Variants in ERGIC2 observed in about 807,000 individuals in gnomAD.
ERGIC2 encodes ERGIC and golgi 2.
In ERGIC2, 31 loss-of-function variants were observed where a neutral mutation model predicts 52.5. That is an observed-to-expected ratio of 0.59 (90% CI 0.44 to 0.80). The LOEUF (loss-of-function observed/expected upper bound fraction) is 0.80. Among genes scored for constraint, ERGIC2 ranks in the 30% least tolerant of loss-of-function variants. The pLI is 0.00. For synonymous variants in ERGIC2, 129 were observed against 140.6 expected, an observed-to-expected ratio of 0.92 and a Z score of 0.58; for missense variants, 395 against 455.2, an observed-to-expected ratio of 0.87 and a Z score of 1.20.
At chr12:29,365,829 C>T (rs1940354298) in intron 5 of ERGIC2, among the ~76,000 whole-genome samples, 1 of 151,742 alleles carries the variant, frequency 6.6e-6, no homozygotes. Flanking sequence ...GGTAACTAAG[C>T]TCATAAAAAA....
rs769389418 is a variant in ERGIC2, at chr12:29,343,072, T to C, written c.988+48A>G. 27 of 1,489,218 alleles carry C rather than the reference T, an allele frequency of 1.8e-5. No individual in the cohort carries two copies. In the Admixed American group the frequency reaches 5.4e-4, roughly 30 times the overall value. 92.3% of individuals were successfully genotyped at this position (1,489,218 alleles called of 1,614,324 possible). On this transcript the variant is annotated intron_variant, in intron 12 of 13. Coordinates refer to ENST00000360150, the MANE Select transcript of ERGIC2 (RefSeq NM_016570.3). ...CCCCTTTGAGAAGAAGCAACTTAAGTATAAGCAACACTTTCAGAAATTAGA... is the reference window on the plus strand; with the variant it reads ...CCCCTTTGAGAAGAAGCAACTTAAGCATAAGCAACACTTTCAGAAATTAGA...
intron 10 of ERGIC2, among the ~76,000 whole-genome samples, chr12:29,348,081 A>T (rs943690449): frequency 4.6e-5 from 7 of 152,160 alleles, no homozygotes; most frequent in Non-Finnish European, 8.8e-5. Context: ...AGATTAGATT[A>T]TACTGACTAA....
chr12:29,369,488 C>T (rs1361264253), intron 3 of ERGIC2, among the ~76,000 whole-genome samples: 6 of 151,888 alleles, frequency 4.0e-5, no homozygotes, highest in Non-Finnish European at 2.9e-5. Context: ...GAAACTGAAG[C>T]ATATACAGGT....
chr12:29,375,786 G>A (rs4931175), intron 1 of ERGIC2, among the ~76,000 whole-genome samples: 151,349 of 152,222 alleles, frequency 0.99, 75,245 homozygotes, highest in East Asian at 1. Context: ...CTCCATCCCT[G>A]TTTTCCAGGG....
intron 6 of ERGIC2, among the ~76,000 whole-genome samples, chr12:29,358,620 C>T (rs928404098): frequency 7.2e-5 from 11 of 151,992 alleles, no homozygotes; most frequent in Non-Finnish European, 1.0e-4. Context: ...GAACCTGTAG[C>T]GGGACGGGTA....
At chr12:29,361,118 T>C (rs371226368) in intron 6 of ERGIC2, among the ~76,000 whole-genome samples, 28 of 152,056 alleles carry the variant, frequency 1.8e-4, no homozygotes, top group African/African-American at 6.7e-4. Context: ...CATGGTGGTG[T>C]GTGCCTGTAG....
At chr12:29,377,060 T>C (rs1940524704) in intron 1 of ERGIC2, among the ~76,000 whole-genome samples, 1 of 152,178 alleles carries the variant, frequency 6.6e-6, no homozygotes. Flanking sequence ...CCCTTTTCCC[T>C]GTCCACACGG....
intron 1 of ERGIC2, among the ~76,000 whole-genome samples, chr12:29,375,749 T>C (rs1940506108): frequency 6.6e-6 from 1 of 152,198 alleles, no homozygotes; most frequent in Admixed American, 6.5e-5. Context: ...GAATATATCA[T>C]GTGGCTCCCT....
In ERGIC2 at chr12:29,368,265, T is replaced by C. The variant is rs371837303; in HGVS notation, c.238A>G (p.Ile80Val). 56 of 1,555,702 alleles carry C rather than the reference T, an allele frequency of 3.6e-5. No homozygotes were observed. The highest frequency in any genetic ancestry group is 1.2e-4 in the Admixed American group (7 of 59,522). Residue 80 changes from isoleucine to valine, a missense_variant, in exon 4 of 14, where the codon ATT becomes GTT. Physicochemically the swap from Ile to Val is conservative, Grantham distance 29. Coordinates refer to ENST00000360150, the MANE Select transcript of ERGIC2 (RefSeq NM_016570.3). ...FSSKLRINID[I>V]TVAMKCQYVG... Reference sequence around the variant, plus strand: ...CATTGACACTTCATGGCAACAGTAATATCTATATTAATTCTTAATTTGCTG... The same window carrying C: ...CATTGACACTTCATGGCAACAGTAACATCTATATTAATTCTTAATTTGCTG...
intron 10 of ERGIC2, 152 bp from the exon 11 acceptor site, chr12:29,345,692 C>G (rs1338157179): frequency 1.6e-6 from 1 of 618,424 alleles, no homozygotes; most frequent in East Asian, 2.9e-5. Flanking sequence ...CGAAGGAGGA[C>G]TGCTTGAGTG....
intron 1 of ERGIC2, among the ~76,000 whole-genome samples, chr12:29,377,258 CAT>C (rs1285415304): frequency 6.6e-6 from 1 of 152,128 alleles, no homozygotes; most frequent in Non-Finnish European, 1.5e-5. Context: ...ACAAAACAAA[CAT>C]AAATAAACTC....
At chr12:29,351,774 CTTAAAGA>C (rs1312223155) in intron 8 of ERGIC2, among the ~76,000 whole-genome samples, 3 of 152,176 alleles carry the variant, frequency 2.0e-5, no homozygotes, top group African/African-American at 7.2e-5. Context: ...CAATGAGGCA[CTTAAAGA>C]TTACAGCTTC....
Position 29,343,216 on chromosome 12 carries a change from T to C in ERGIC2, c.892A>G (p.Ser298Gly). The part of the protein sequence containing the change: ...VSGIFMKYDL[S>G]SLMVTVTEEH... ...TCAGTAACTGTCACCATAAGAGAACTGAGATCATATTTCATAAATATCCCA... is the reference window on the plus strand; with the variant it reads ...TCAGTAACTGTCACCATAAGAGAACCGAGATCATATTTCATAAATATCCCA... The change falls in exon 12 of 14, where the codon AGT (serine) becomes GGT (glycine). Residue 298 changes from serine (S) to glycine (G), a missense_variant. Coordinates refer to ENST00000360150, the MANE Select transcript of ERGIC2 (RefSeq NM_016570.3). 6.2e-7 allele frequency: 1 copy of C among 1,611,086 alleles called. No homozygotes were observed. Among genetic ancestry groups the C allele is most frequent in the Non-Finnish European group, 8.5e-7 (1 of 1,178,034 alleles).
rs745437026 is a variant in ERGIC2, at chr12:29,343,206, A to G, written c.902T>C (p.Met301Thr). The change falls in exon 12 of 14, where the codon ATG becomes ACG. Residue 301 changes from methionine (M) to threonine (T), a missense_variant. By Grantham distance (81) the Met-to-Thr change is moderately conservative (BLOSUM62 -1). Coordinates refer to ENST00000360150, the MANE Select transcript of ERGIC2 (RefSeq NM_016570.3). ...CATGTGCTCCTCAGTAACTGTCACC[A>G]TAAGAGAACTGAGATCATATTTCAT... ...IFMKYDLSSL[M>T]VTVTEEHMPF... The G allele has an allele frequency of 2.5e-6, 4 of 1,611,236 alleles. No homozygotes were observed. Among genetic ancestry groups the G allele is most frequent in the South Asian group, 2.2e-5 (2 of 90,710 alleles).
chr12:29,380,614 T>G (rs1176774154), intron 1 of ERGIC2: 2 of 151,616 alleles, frequency 1.3e-5, no homozygotes, highest in Admixed American at 1.3e-4. Flanking sequence ...CCCCTTCTCA[T>G]TTTCCGAAGC....
intron 1 of ERGIC2, among the ~76,000 whole-genome samples, chr12:29,378,009 A>G (rs541718709): frequency 1.1e-4 from 17 of 152,354 alleles, no homozygotes; most frequent in African/African-American, 3.1e-4. Context: ...TCAACTCACA[A>G]TTTGATACGT....
intron 13 of ERGIC2, 110 bp from the exon 14 acceptor site, chr12:29,341,328 C>G: frequency 1.2e-6 from 1 of 805,070 alleles, no homozygotes; most frequent in East Asian, 2.7e-5. Context: ...TAACCAAAAG[C>G]TACTATTTCT....
intron 10 of ERGIC2, among the ~76,000 whole-genome samples, chr12:29,347,578 C>T (rs558206717): frequency 6.6e-5 from 10 of 152,150 alleles, no homozygotes; most frequent in East Asian, 5.8e-4. Context: ...CCTATAGGAA[C>T]GTGCGCTCTA....
In ERGIC2 at chr12:29,343,109, T is replaced by C. The variant is rs762443901; in HGVS notation, c.988+11A>G. 4 of 1,561,520 alleles carry C rather than the reference T, an allele frequency of 2.6e-6. No homozygotes were observed. The highest frequency in any genetic ancestry group is 3.5e-6 in the Non-Finnish European group (4 of 1,150,594). On this transcript the variant is annotated intron_variant, in intron 12 of 13. Transcript: ENST00000360150. ...TTTCAGAAATTAGACAAAAAGGAAA[T>C]GGTTGTTAACCTGTTGTTGAAAAGA...
Sources: gnomAD v4.1 joint callset for allele counts (sites outside exome capture counted in the v4.1 genomes callset) on GRCh38, gnomAD v4.1.1 for gene constraint, MANE v1.5 for transcripts, NCBI Gene and HGNC (gene_info 2026-07-23, HGNC 2026-07-21) for gene names.